Variants in CTDP1 observed in about 807,000 individuals in gnomAD.
CTDP1 encodes the protein CTD phosphatase 1.
In CTDP1, 47 loss-of-function variants were observed where a neutral mutation model predicts 91.8. The ratio of observed to expected loss-of-function variants is 0.51; its 90% CI spans 0.41 to 0.65. The LOEUF is 0.65. Ranked by LOEUF, CTDP1 falls within the 30% of genes least tolerant of loss-of-function variation. The probability of loss-of-function intolerance (pLI) is 0.00; values close to 1 mark genes in which losing one functional copy is unlikely to be tolerated. For missense variants in CTDP1, 1,272 were observed against 1,373.7 expected, an observed-to-expected ratio of 0.93 and a Z score of 1.17; for synonymous variants, 656 against 598.5, an observed-to-expected ratio of 1.10 and a Z score of -1.40.
intron 10 of CTDP1, among the ~76,000 whole-genome samples, chr18:79,719,544 T>C (rs535320956): frequency 1.2e-4 from 18 of 152,278 alleles, no homozygotes; most frequent in Non-Finnish European, 2.6e-4. Context: ...GAAGGCATCC[T>C]GGTGATGTCA....
At chr18:79,706,609 G>A (rs993252636) in intron 5 of CTDP1, among the ~76,000 whole-genome samples, 10 of 152,022 alleles carry the variant, frequency 6.6e-5, no homozygotes, top group African/African-American at 1.5e-4. Context: ...ATATGTACAA[G>A]TTTACATACC....
At chr18:79,714,152 C>G (rs1441808408) in intron 7 of CTDP1, among the ~76,000 whole-genome samples, 1 of 152,202 alleles carries the variant, frequency 6.6e-6, no homozygotes, top group Non-Finnish European at 1.5e-5. Context: ...AGGATCCCTC[C>G]TCCCCCAAAT....
intron 1 of CTDP1, among the ~76,000 whole-genome samples, chr18:79,685,745 T>C (rs934956263): frequency 6.6e-6 from 1 of 152,236 alleles, no homozygotes; most frequent in African/African-American, 2.4e-5. Context: ...AAATTCTAAA[T>C]GTGCTTCAGT....
intron 11 of CTDP1, among the ~76,000 whole-genome samples, chr18:79,734,159 G>A (rs947339742): frequency 3.9e-5 from 6 of 152,184 alleles, no homozygotes; most frequent in African/African-American, 9.6e-5. Flanking sequence ...TGTGCTGGAC[G>A]ACTTTGCCAG....
rs528752565 is a variant in CTDP1 at position 79,693,018 on chromosome 18, C to T, written c.315-2207C>T. 5.3e-5 allele frequency among the ~76,000 whole-genome samples: 8 copies of T among 152,236 alleles called. 1 individual carries two copies. In the South Asian group the frequency reaches 1.0e-3, roughly 20 times the overall value. ...GGGGCCGCAGAGCCCTGTGGATGGA[C>T]GAAAACAGCTCAGCCGGGGAGTTGG... On this transcript the variant is annotated intron_variant, in intron 1 of 12. Coordinates refer to ENST00000613122, the MANE Select transcript of CTDP1 (RefSeq NM_004715.5).
rs372059904 is a variant in CTDP1 at position 79,696,093 on chromosome 18, C to T, written c.492+23C>T. On this transcript the variant is annotated intron_variant, in intron 3 of 12. Coordinates refer to ENST00000613122, the MANE Select transcript of CTDP1 (RefSeq NM_004715.5). ...GAGGTGAGCCGGGCATCAGTGGCGG[C>T]GTGTTGGGGAAGCGTGGTGCTCTGA... is the stretch of plus-strand genomic sequence containing the variant. The T allele has an allele frequency of 1.9e-4, 307 of 1,602,360 alleles. 1 individual carries two copies. Among genetic ancestry groups the T allele is most frequent in the Non-Finnish European group, 2.3e-4 (270 of 1,175,496 alleles).
At chr18:79,755,643 A>C (rs141359588), downstream of CTDP1, 765 of 152,270 alleles carry the variant, frequency 5.0e-3, 3 homozygotes, top group Non-Finnish European at 7.6e-3. Flanking sequence ...TTCTCCCTGA[A>C]GGCGATTCTG....
At chr18:79,755,264 T>C (rs947623273), downstream of CTDP1, 1 of 151,958 alleles carries the variant, frequency 6.6e-6, no homozygotes, top group Non-Finnish European at 1.5e-5. Flanking sequence ...CAGCGCCGAG[T>C]GAAGAGGCAG....
In CTDP1 at chr18:79,680,277, CGGGCGGGGCCGA is replaced by C. The variant is rs1945720799; in HGVS notation, c.314+24_314+35del. ...TCGCCCCAGGGTGAGTGTGCTGAGCCGGGCGGGGCCGAGGGCGGGCGGCTCCGGGGAGGGATC... is the reference window on the plus strand; with the variant it reads ...TCGCCCCAGGGTGAGTGTGCTGAGCCGGGCGGGCGGCTCCGGGGAGGGATC... On this transcript the variant is annotated intron_variant, in intron 1 of 12. Coordinates refer to ENST00000613122, the MANE Select transcript of CTDP1 (RefSeq NM_004715.5). 1 of 1,250,172 alleles carries C rather than the reference CGGGCGGGGCCGA, an allele frequency of 8.0e-7. No individual in the cohort carries two copies. Among genetic ancestry groups the C allele is most frequent in the African/African-American group, 1.6e-5 (1 of 63,994 alleles). The allele number at this position is 1,250,172 out of a possible 1,614,324, so 77.4% of individuals were successfully genotyped here.
chr18:79,751,257 A>G (rs1599329897), intron 12 of CTDP1, among the ~76,000 whole-genome samples: 2 of 62,302 alleles, frequency 3.2e-5, no homozygotes, highest in Non-Finnish European at 6.1e-5. Context: ...GGAGGGAGGG[A>G]GGCTGGGCAC....
At chr18:79,683,098 T>C (rs1236811609) in intron 1 of CTDP1, 2 of 152,234 alleles carry the variant, frequency 1.3e-5, no homozygotes, top group Non-Finnish European at 2.9e-5. Context: ...GGTGAAGACA[T>C]CAGGGAAGAG....
In CTDP1 at chr18:79,717,494, G is replaced by A. The variant is rs761353484; in HGVS notation, c.2069-41G>A. On this transcript the variant is annotated intron_variant, in intron 8 of 12. Coordinates refer to ENST00000613122, the MANE Select transcript of CTDP1 (RefSeq NM_004715.5). ...GCCGGATGTGGGCCCTGAGCCTCCA[G>A]TGCTGGCCGGAACAGCCTGACGCAG... The A allele has an allele frequency of 8.7e-6, 14 of 1,609,434 alleles. No homozygotes were observed. The African/African-American group carries it at 1.6e-4, about 18-fold the overall frequency.
intron 6 of CTDP1, among the ~76,000 whole-genome samples, chr18:79,710,764 C>T (rs989159768): frequency 7.2e-6 from 1 of 139,362 alleles, no homozygotes; most frequent in Non-Finnish European, 1.5e-5. Context: ...GCCAGGATGG[C>T]CTCGATCTCC....
At chr18:79,745,027 G>A (rs999612051) in intron 12 of CTDP1, among the ~76,000 whole-genome samples, 2 of 152,180 alleles carry the variant, frequency 1.3e-5, no homozygotes, top group African/African-American at 4.8e-5. Flanking sequence ...TCTCAGCAGG[G>A]GTACCAGGCC....
upstream of CTDP1, chr18:79,679,740 G>A (rs1004164345): frequency 5.8e-6 from 3 of 514,166 alleles, no homozygotes; most frequent in Non-Finnish European, 1.1e-5. Context: ...CGCGGCGCTC[G>A]TATTTACACG....
chr18:79,690,273 G>T (rs983604184), intron 1 of CTDP1, among the ~76,000 whole-genome samples: 2 of 152,212 alleles, frequency 1.3e-5, no homozygotes, highest in East Asian at 3.8e-4. Flanking sequence ...CCTCCCCTGA[G>T]AGAGCTGAGA....
At chr18:79,737,024 G>A (rs1375035181) in intron 12 of CTDP1, among the ~76,000 whole-genome samples, 1 of 152,234 alleles carries the variant, frequency 6.6e-6, no homozygotes, top group Non-Finnish European at 1.5e-5. Context: ...GTCGAGGGTG[G>A]TGCCTGATGT....
chr18:79,689,961 G>A (rs556206215), intron 1 of CTDP1, among the ~76,000 whole-genome samples: 5 of 152,090 alleles, frequency 3.3e-5, no homozygotes, highest in Admixed American at 6.5e-5. Context: ...TCTGCATAAC[G>A]GATTCTAGGC....
At chr18:79,684,960 G>T (rs1599184523) in intron 1 of CTDP1, among the ~76,000 whole-genome samples, 1 of 144,604 alleles carries the variant, frequency 6.9e-6, no homozygotes. Context: ...TCTACTCCCG[G>T]TTTCTCTGCG....
Sources: allele counts gnomAD v4.1 joint callset (sites outside exome capture counted in the v4.1 genomes callset), GRCh38; gene constraint gnomAD v4.1.1; transcripts MANE v1.5; gene names NCBI Gene and HGNC (gene_info 2026-07-23, HGNC 2026-07-21).